The following TMEM217 variants were observed in gnomAD, a reference collection of about 807,000 sequenced individuals.
TMEM217 encodes the protein transmembrane protein 217, also known as chromosome 6 open reading frame 128.
For synonymous variants in TMEM217, 76 were observed against 88.3 expected (o/e 0.86, Z 0.78); for missense variants, 204 against 248.8 (o/e 0.82, Z 1.21).
exon 2 of TMEM217, chr6:37,218,625 T>C (rs1428503456): frequency 4.3e-6 from 7 of 1,614,088 alleles, no homozygotes; most frequent in Non-Finnish European, 5.9e-6. Flanking sequence ...TGCATGACTG[T>C]ACGAGACACC....
At chr6:37,214,589 C>T (rs1427406402), downstream of TMEM217, among the ~76,000 whole-genome samples, 1 of 152,146 alleles carries the variant, frequency 6.6e-6, no homozygotes, top group Non-Finnish European at 1.5e-5. Context: ...CATCAACTCC[C>T]CATTCTCCTC....
exon 2 of TMEM217, chr6:37,218,341 T>C (rs1295786585): frequency 8.0e-7 from 1 of 1,251,282 alleles, no homozygotes; most frequent in African/African-American, 1.5e-5. Flanking sequence ...GCTAATTTTC[T>C]ATTTTTTTTA....
chr6:37,215,067 C>A, downstream of TMEM217: 3 of 1,211,856 alleles, frequency 2.5e-6, no homozygotes, highest in Non-Finnish European at 3.4e-6. Flanking sequence ...CCACTGGTTC[C>A]ACAGCTCTGC....
At chr6:37,218,887 C>T (rs750909882) in exon 2 of TMEM217, 35 of 1,614,062 alleles carry the variant, frequency 2.2e-5, no homozygotes, top group Non-Finnish European at 1.3e-5. Context: ...CACCCCTGTA[C>T]TTTGGTGTGA....
At chr6:37,257,084 A>C (rs1244773336) in intron 1 of TMEM217, among the ~76,000 whole-genome samples, 1 of 152,202 alleles carries the variant, frequency 6.6e-6, no homozygotes, top group African/African-American at 2.4e-5. Context: ...CTTCAAAGAA[A>C]TGGTATTTGG....
chr6:37,241,248 A>ATTT (rs76279831), intron 1 of TMEM217, among the ~76,000 whole-genome samples: 1 of 145,358 alleles, frequency 6.9e-6, no homozygotes, highest in South Asian at 2.2e-4. Context: ...TACCTGGTTA[A>ATTT]TTTTTTTTTT....
At chr6:37,242,872 C>G (rs948316952) in intron 1 of TMEM217, among the ~76,000 whole-genome samples, 2 of 152,126 alleles carry the variant, frequency 1.3e-5, no homozygotes, top group Non-Finnish European at 2.9e-5. Flanking sequence ...CAGGAGTGTG[C>G]CAGTAAGCTC....
chr6:37,230,680 G>A (rs1203033673), intron 1 of TMEM217, among the ~76,000 whole-genome samples: 1 of 152,076 alleles, frequency 6.6e-6, no homozygotes, highest in Admixed American at 6.5e-5. Flanking sequence ...CAGAATTCAA[G>A]AACTGTGAGA....
chr6:37,237,873 A>G (rs970016396), intron 1 of TMEM217, among the ~76,000 whole-genome samples: 2 of 152,168 alleles, frequency 1.3e-5, no homozygotes, highest in African/African-American at 4.8e-5. Context: ...AAACTCTAAA[A>G]CTGTATGAAA....
At chr6:37,258,062 G>A in exon 1 of TMEM217, 1 of 1,437,748 alleles carries the variant, frequency 7.0e-7, no homozygotes, top group Non-Finnish European at 9.4e-7. Context: ...GGGCGCCACA[G>A]AGGCCAGAAG....
chr6:37,249,659 T>G (rs1765293600), intron 1 of TMEM217, among the ~76,000 whole-genome samples: 1 of 152,162 alleles, frequency 6.6e-6, no homozygotes, highest in African/African-American at 2.4e-5. Context: ...AGACTAAGAT[T>G]TCTACTTTTC....
At chr6:37,222,765 T>G (rs1313986838) in intron 1 of TMEM217, among the ~76,000 whole-genome samples, 1 of 152,156 alleles carries the variant, frequency 6.6e-6, no homozygotes, top group Non-Finnish European at 1.5e-5. Context: ...GGTCTACGGC[T>G]TTGGTTTGGG....
intron 1 of TMEM217, among the ~76,000 whole-genome samples, chr6:37,231,226 ATTTTTTTTTTT>A (rs35394043): frequency 3.4e-5 from 3 of 87,448 alleles, no homozygotes; most frequent in African/African-American, 4.6e-5. Flanking sequence ...TGCCTGGCTA[ATTTTTTTTTTT>A]TTTTTTTTTT....
intron 1 of TMEM217, among the ~76,000 whole-genome samples, chr6:37,223,162 GAGAA>G (rs1763640789): frequency 1.3e-5 from 2 of 152,100 alleles, no homozygotes; most frequent in Admixed American, 6.6e-5. Flanking sequence ...TGTTCTGATA[GAGAA>G]AGAGAGATGA....
chr6:37,218,647 G>A (rs2113811832), exon 2 of TMEM217: 1 of 1,614,126 alleles, frequency 6.2e-7, no homozygotes, highest in African/African-American at 1.3e-5. Flanking sequence ...AGCCAAACCA[G>A]CGCATGATTC....
At chr6:37,258,050 T>C (rs1372160858) in exon 1 of TMEM217, 14 of 1,524,246 alleles carry the variant, frequency 9.2e-6, no homozygotes, top group Non-Finnish European at 1.2e-5. Context: ...CCCGCGGGCC[T>C]GGGGCGCCAC....
chr6:37,252,747 C>T (rs1442200004), intron 1 of TMEM217, among the ~76,000 whole-genome samples: 4 of 150,704 alleles, frequency 2.7e-5, no homozygotes. Flanking sequence ...TCAAGTGATC[C>T]TCCCACCTCA....
At position 37,230,713 on chromosome 6, in the gene TMEM217, C is replaced by G. The variant is rs575843714; in HGVS notation, c.-11-11672G>C. 2.6e-5 allele frequency among the ~76,000 whole-genome samples: 4 copies of G among 152,218 alleles called. No homozygotes were observed. In the South Asian group the frequency reaches 8.3e-4, roughly 32 times the overall value. On this transcript the variant is annotated intron_variant, in intron 1 of 1. Transcript: ENST00000357219. ...AGAAAATTAATTTCTGTTGTTTAAG[C>G]CACTCTGTGATATGTAGTTATAGAA...
chr6:37,230,944 ATTGT>A (rs923665217), intron 1 of TMEM217, among the ~76,000 whole-genome samples: 8 of 152,022 alleles, frequency 5.3e-5, no homozygotes, highest in Admixed American at 6.6e-5. Context: ...GTTTTTTGTT[ATTGT>A]TTGTTTTTGT....
Sources: allele counts gnomAD v4.1 joint callset (sites outside exome capture counted in the v4.1 genomes callset), GRCh38; gene constraint gnomAD v4.1.1; transcripts MANE v1.5; gene names NCBI Gene and HGNC (gene_info 2026-07-23, HGNC 2026-07-21).